Variants in ROBO2 observed in about 807,000 individuals in gnomAD.
ROBO2 encodes the protein roundabout guidance receptor 2, also known as roundabout homolog 2.
In ROBO2, 53 loss-of-function variants were observed where a neutral mutation model predicts 160.8. The observed-to-expected ratio is 0.33, with a 90% CI of 0.26 to 0.41. ROBO2 has a LOEUF of 0.41. Ranked by LOEUF, ROBO2 falls within the 10% of genes least tolerant of loss-of-function variation. The pLI is 1.00. For synonymous variants in ROBO2, 664 were observed against 611.7 expected, an observed-to-expected ratio of 1.09 and a Z score of -1.26; for missense variants, 1,577 against 1,722.4, an observed-to-expected ratio of 0.92 and a Z score of 1.49.
At chr3:77,004,395 T>C (rs868545847) in intron 2 of ROBO2, among the ~76,000 whole-genome samples, 1 of 152,212 alleles carries the variant, frequency 6.6e-6, no homozygotes, top group Non-Finnish European at 1.5e-5. Context: ...TGCTGGCAAC[T>C]AGTTGAGTAA....
intron 2 of ROBO2, among the ~76,000 whole-genome samples, chr3:76,944,408 C>T (rs376739290): frequency 3.9e-5 from 6 of 152,198 alleles, no homozygotes; most frequent in African/African-American, 1.2e-4. Flanking sequence ...AAATAAAACA[C>T]AATTTTCTTG....
chr3:77,112,354 C>A (rs1374931822), intron 2 of ROBO2, among the ~76,000 whole-genome samples: 1 of 151,900 alleles, frequency 6.6e-6, no homozygotes, highest in Admixed American at 6.6e-5. Flanking sequence ...AGCGATTCAC[C>A]TGCCTCAGCC....
chr3:77,601,171 A>G (rs751572453), intron 19 of ROBO2, among the ~76,000 whole-genome samples: 50 of 152,202 alleles, frequency 3.3e-4, no homozygotes, highest in Admixed American at 1.2e-3. Context: ...AGTATCAGCT[A>G]ATCTAAAAGT....
intron 2 of ROBO2, among the ~76,000 whole-genome samples, chr3:76,550,787 A>G (rs1362281162): frequency 1.3e-5 from 2 of 152,150 alleles, no homozygotes; most frequent in Non-Finnish European, 2.9e-5. Flanking sequence ...GTATGTGCAC[A>G]CTCGGGATGG....
intron 2 of ROBO2, among the ~76,000 whole-genome samples, chr3:77,331,698 T>TTTAC (rs1394254354): frequency 1.3e-5 from 2 of 151,324 alleles, no homozygotes; most frequent in Non-Finnish European, 3.0e-5. Flanking sequence ...TATTTACTTA[T>TTTAC]TTATTTATTT....
chr3:76,322,797 C>T (rs932318550), intron 2 of ROBO2, among the ~76,000 whole-genome samples: 2 of 152,094 alleles, frequency 1.3e-5, no homozygotes, highest in African/African-American at 4.8e-5. Flanking sequence ...TAAATTCTTA[C>T]AATTTTGATT....
intron 2 of ROBO2, among the ~76,000 whole-genome samples, chr3:75,940,773 A>T (rs1948018495): frequency 6.6e-6 from 1 of 152,164 alleles, no homozygotes; most frequent in South Asian, 2.1e-4. Flanking sequence ...AATCTAGATA[A>T]AACTGAACTG....
At chr3:76,146,142 A>G (rs756088106) in intron 2 of ROBO2, among the ~76,000 whole-genome samples, 1 of 152,036 alleles carries the variant, frequency 6.6e-6, no homozygotes, top group Non-Finnish European at 1.5e-5. Flanking sequence ...AAACTCCAAC[A>G]CTAGATCTAT....
intron 2 of ROBO2, among the ~76,000 whole-genome samples, chr3:76,957,264 A>C (rs1238024985): frequency 6.6e-6 from 1 of 152,070 alleles, no homozygotes; most frequent in Admixed American, 6.6e-5. Flanking sequence ...GTTAACAAAG[A>C]AAAGTCAATT....
At chr3:76,126,069 C>T (rs1368214019) in intron 2 of ROBO2, among the ~76,000 whole-genome samples, 1 of 152,156 alleles carries the variant, frequency 6.6e-6, no homozygotes, top group Non-Finnish European at 1.5e-5. Flanking sequence ...CCTCCTCGGC[C>T]TCCCAAAGTG....
chr3:77,496,818 C>A (rs541520563), intron 5 of ROBO2, among the ~76,000 whole-genome samples: 84 of 152,168 alleles, frequency 5.5e-4, no homozygotes, highest in Middle Eastern at 3.4e-3. Flanking sequence ...CTGTGCCAAC[C>A]TTTCAGTAAC....
intron 2 of ROBO2, among the ~76,000 whole-genome samples, chr3:76,462,760 G>A (rs1349536280): frequency 1.3e-5 from 2 of 152,196 alleles, no homozygotes; most frequent in Non-Finnish European, 1.5e-5. Flanking sequence ...ACACTACAGT[G>A]TGATGTAAAC....
chr3:77,555,659 G>T (rs1181122009), intron 8 of ROBO2, among the ~76,000 whole-genome samples: 1 of 151,922 alleles, frequency 6.6e-6, no homozygotes, highest in African/African-American at 2.4e-5. Flanking sequence ...AAGTTAAAAA[G>T]ACTGGGGAGA....
chr3:76,450,566 T>G (rs1366706506), intron 2 of ROBO2, among the ~76,000 whole-genome samples: 1 of 152,152 alleles, frequency 6.6e-6, no homozygotes, highest in Non-Finnish European at 1.5e-5. Flanking sequence ...TGCTCCAGCC[T>G]CATCCTCTTG....
chr3:77,293,949 G>C (rs1447841961), intron 2 of ROBO2, among the ~76,000 whole-genome samples: 1 of 143,984 alleles, frequency 6.9e-6, no homozygotes, highest in Admixed American at 7.3e-5. Context: ...GGTTAAACGG[G>C]TAAGCTGAGG....
At chr3:76,981,436 CTT>C (rs1372943346) in intron 2 of ROBO2, among the ~76,000 whole-genome samples, 1 of 152,100 alleles carries the variant, frequency 6.6e-6, no homozygotes, top group Non-Finnish European at 1.5e-5. Flanking sequence ...ATGGCTATAA[CTT>C]TGAACAACTT....
At chr3:76,217,152 A>G (rs543433769) in intron 2 of ROBO2, among the ~76,000 whole-genome samples, 112 of 152,324 alleles carry the variant, frequency 7.4e-4, no homozygotes, top group African/African-American at 2.6e-3. Context: ...TCTCTGGGAC[A>G]CATTCAAAGC....
intron 2 of ROBO2, among the ~76,000 whole-genome samples, chr3:76,916,174 G>A (rs1036318674): frequency 6.6e-6 from 1 of 152,174 alleles, no homozygotes; most frequent in Middle Eastern, 3.4e-3. Flanking sequence ...AATAAAGATG[G>A]GGTTGCTATA....
chr3:77,120,708 A>G (rs1450378360), intron 2 of ROBO2, among the ~76,000 whole-genome samples: 3 of 152,170 alleles, frequency 2.0e-5, no homozygotes, highest in East Asian at 3.9e-4. Flanking sequence ...AATAGTATAC[A>G]TTTTAGCTAA....
Sources: gnomAD v4.1 joint callset for allele counts (sites outside exome capture counted in the v4.1 genomes callset) on GRCh38, gnomAD v4.1.1 for gene constraint, MANE v1.5 for transcripts, NCBI Gene and HGNC (gene_info 2026-07-23, HGNC 2026-07-21) for gene names.